KCNQ5: variants seen among roughly 807,000 people sequenced by gnomAD.
KCNQ5 encodes the protein potassium voltage-gated channel subfamily KQT member 5.
A neutral mutation model predicts 98.2 loss-of-function variants in KCNQ5; 30 were observed. That is an observed-to-expected ratio of 0.31 (90% CI 0.23 to 0.41). The LOEUF is 0.41. Ranked by LOEUF, KCNQ5 falls within the 10% of genes least tolerant of loss-of-function variation. The pLI, the probability that KCNQ5 is intolerant of heterozygous loss-of-function variation, is 1.00. For synonymous variants in KCNQ5, 458 were observed against 449.4 expected (o/e 1.02, Z -0.24); for missense variants, 835 against 1,182.5 (o/e 0.71, Z 4.31).
At chr6:72,664,609 C>T (rs1041138613) in intron 1 of KCNQ5, among the ~76,000 whole-genome samples, 1 of 151,944 alleles carries the variant, frequency 6.6e-6, no homozygotes, top group African/African-American at 2.4e-5. Flanking sequence ...GAGCTGAGAT[C>T]GTACCCACTG....
At chr6:73,019,665 A>G (rs2150337849) in intron 2 of KCNQ5, among the ~76,000 whole-genome samples, 1 of 152,334 alleles carries the variant, frequency 6.6e-6, no homozygotes, top group South Asian at 2.1e-4. Flanking sequence ...CCTATTTATC[A>G]AAAGTTCAAA....
chr6:72,958,965 C>T (rs1484327594), intron 1 of KCNQ5, among the ~76,000 whole-genome samples: 4 of 152,092 alleles, frequency 2.6e-5, no homozygotes, highest in Non-Finnish European at 4.4e-5. Context: ...TGGCAGTAAA[C>T]GTGAAGAGAA....
intron 5 of KCNQ5, among the ~76,000 whole-genome samples, chr6:73,079,319 T>A (rs1204536811): frequency 6.6e-6 from 1 of 152,240 alleles, no homozygotes; most frequent in Non-Finnish European, 1.5e-5. Context: ...CCCTTAGTAT[T>A]TCTTGAGTTC....
At chr6:72,849,549 G>A (rs1777160698) in intron 1 of KCNQ5, among the ~76,000 whole-genome samples, 1 of 152,124 alleles carries the variant, frequency 6.6e-6, no homozygotes, top group African/African-American at 2.4e-5. Flanking sequence ...TCATAAACTG[G>A]TGCCATGTGG....
At position 72,622,671 on chromosome 6, in the gene KCNQ5, T is replaced by C. The variant is rs936507651; in HGVS notation, c.398+84T>C. The C allele has an allele frequency of 9.3e-5, 140 of 1,499,988 alleles. No homozygotes were observed. The highest frequency in any genetic ancestry group is 8.8e-5 in the Non-Finnish European group (97 of 1,103,146). The allele number at this position is 1,499,988 out of a possible 1,614,324, so 92.9% of individuals were successfully genotyped here. A position where few individuals can be genotyped will look rare whatever the true frequency, so the allele number is the denominator to read the frequency against. On this transcript the variant is annotated intron_variant, in intron 1 of 13. Coordinates refer to ENST00000370398, the MANE Select transcript of KCNQ5 (RefSeq NM_019842.4). The surrounding 1 kb of genome is among the most constrained non-coding windows in gnomAD (Gnocchi z 6.0). ...GGGGCGTGCTCCGCGCTCGCGCCCT[T>C]GGGCCCCCGCGCGCGTGCACACGTG... is the stretch of plus-strand genomic sequence containing the variant.
chr6:72,809,485 G>A (rs1397777173), intron 1 of KCNQ5, among the ~76,000 whole-genome samples: 1 of 152,066 alleles, frequency 6.6e-6, no homozygotes, highest in Non-Finnish European at 1.5e-5. Context: ...CAGGGAGGTG[G>A]AGGTTGCAGT....
intron 1 of KCNQ5, among the ~76,000 whole-genome samples, chr6:72,998,604 G>A (rs1383007757): frequency 6.6e-6 from 1 of 152,000 alleles, no homozygotes; most frequent in Non-Finnish European, 1.5e-5. Context: ...GGGCTTGGTG[G>A]TGGGTGCCTG....
intron 1 of KCNQ5, among the ~76,000 whole-genome samples, chr6:72,783,618 C>T (rs190075716): frequency 2.0e-5 from 3 of 152,008 alleles, no homozygotes; most frequent in Non-Finnish European, 4.4e-5. Flanking sequence ...TTTTTATCCT[C>T]GATATTGCCA....
At chr6:72,901,493 A>T (rs561390335) in intron 1 of KCNQ5, among the ~76,000 whole-genome samples, 8 of 152,280 alleles carry the variant, frequency 5.3e-5, no homozygotes, top group African/African-American at 1.9e-4. Flanking sequence ...CCTAGATTTA[A>T]GTCCTTAATC....
chr6:72,648,281 G>A (rs1023967150), intron 1 of KCNQ5, among the ~76,000 whole-genome samples: 7 of 152,058 alleles, frequency 4.6e-5, no homozygotes, highest in African/African-American at 1.4e-4. Context: ...ATGGAACATC[G>A]TGCAGTGGGC....
chr6:72,951,173 G>C (rs1766785046), intron 1 of KCNQ5, among the ~76,000 whole-genome samples: 1 of 152,104 alleles, frequency 6.6e-6, no homozygotes, highest in Non-Finnish European at 1.5e-5. Context: ...CAACTTTCTT[G>C]TTCTTCTCAG....
At chr6:72,658,572 A>AT (rs1766324221) in intron 1 of KCNQ5, among the ~76,000 whole-genome samples, 1 of 69,546 alleles carries the variant, frequency 1.4e-5, no homozygotes, top group African/African-American at 6.2e-5. Flanking sequence ...ATATATATAT[A>AT]TATATATTTT....
chr6:73,167,288 C>A (rs534237308), intron 10 of KCNQ5, among the ~76,000 whole-genome samples: 1 of 152,344 alleles, frequency 6.6e-6, no homozygotes, highest in South Asian at 2.1e-4. Flanking sequence ...CTGACAGGAG[C>A]AGGCTGTACA....
chr6:72,705,560 A>AT (rs1030440435), intron 1 of KCNQ5, among the ~76,000 whole-genome samples: 129 of 143,994 alleles, frequency 9.0e-4, no homozygotes, highest in Middle Eastern at 3.5e-3. Flanking sequence ...TACTGTCCAA[A>AT]TTTTTTTTTT....
chr6:72,775,830 C>G (rs527362704), intron 1 of KCNQ5, among the ~76,000 whole-genome samples: 1 of 152,138 alleles, frequency 6.6e-6, no homozygotes, highest in South Asian at 2.1e-4. Context: ...CTGTCAAGGT[C>G]ATCCAAAACA....
At chr6:73,155,527 A>T (rs1582457237) in intron 10 of KCNQ5, among the ~76,000 whole-genome samples, 1 of 152,218 alleles carries the variant, frequency 6.6e-6, no homozygotes, top group Non-Finnish European at 1.5e-5. Flanking sequence ...GGAGAATGGG[A>T]TGGAAAGGCC....
intron 1 of KCNQ5, among the ~76,000 whole-genome samples, chr6:72,682,412 T>G (rs534771832): frequency 6.6e-6 from 1 of 152,290 alleles, no homozygotes; most frequent in African/African-American, 2.4e-5. Context: ...CCTCTGATTC[T>G]CTCCTTATTT....
intron 10 of KCNQ5, among the ~76,000 whole-genome samples, chr6:73,143,052 G>C (rs1410892315): frequency 6.6e-6 from 1 of 152,188 alleles, no homozygotes; most frequent in South Asian, 2.1e-4. Flanking sequence ...AGAGGTTGAA[G>C]ATATGTTCTT....
At chr6:72,907,449 T>A (rs998666628) in intron 1 of KCNQ5, among the ~76,000 whole-genome samples, 1 of 152,212 alleles carries the variant, frequency 6.6e-6, no homozygotes, top group Non-Finnish European at 1.5e-5. Flanking sequence ...GTATTTTTGG[T>A]TAATGCTGTG....
Sources: allele counts gnomAD v4.1 joint callset (sites outside exome capture counted in the v4.1 genomes callset), GRCh38; gene constraint gnomAD v4.1.1; non-coding constraint Gnocchi (gnomAD v3.1); transcripts MANE v1.5; gene names NCBI Gene and HGNC (gene_info 2026-07-23, HGNC 2026-07-21).